The following CACNA1H variants were observed in gnomAD, a reference collection of about 807,000 sequenced individuals.
CACNA1H encodes the protein calcium voltage-gated channel subunit alpha1 H, also known as voltage-dependent T-type calcium channel subunit alpha-1H.
Under a neutral mutation model 192.5 loss-of-function variants are expected in CACNA1H, and 149 were observed. The observed-to-expected ratio is 0.77, with a 90% confidence interval of 0.68 to 0.89. The LOEUF (loss-of-function observed/expected upper bound fraction) is 0.89. CACNA1H is among the 40% of genes least tolerant of loss of function. CACNA1H has a pLI of 0.00. For synonymous variants in CACNA1H, 2,202 were observed against 1,475.2 expected, an observed-to-expected ratio of 1.49 and a Z score of -11.29; for missense variants, 4,257 against 3,423.5, an observed-to-expected ratio of 1.24 and a Z score of -6.08.
chr16:1,194,941 C>CGCCGG (rs770482623), intron 2 of CACNA1H, 31 bp from the exon 3 acceptor site: 1 of 1,541,354 alleles, frequency 6.5e-7, no homozygotes, highest in East Asian at 2.2e-5. Context: ...TCCCGGGCCG[C>CGCCGG]GCCGGTGTGC....
chr16:1,207,401 G>C lies in CACNA1H; in HGVS notation c.3034G>C (p.Ala1012Pro). 6.2e-7 allele frequency: 1 copy of C among 1,613,238 alleles called. No homozygotes were observed. Among genetic ancestry groups the C allele is most frequent in the Non-Finnish European group, 8.5e-7 (1 of 1,179,806 alleles). ...GNYVLFNLLV[A>P]ILVEGFQAEG... ...CTATGTGCTCTTCAACCTGCTGGTG[G>C]CCATCCTCGTGGAGGGCTTCCAGGC... Residue 1012 changes from alanine (A) to proline (P), a missense_variant, in exon 14 of 35, where the codon GCC becomes CCC. Physicochemically the swap from Ala to Pro is conservative, Grantham distance 27. Transcript: ENST00000348261.
rs1230128512 is a variant in CACNA1H at position 1,214,954 on chromosome 16, C to T, written c.4930-18C>T. The stretch of plus-strand genomic sequence containing the variant: ...TGGCCCCAGCCCCACCTCAGCCAGC[C>T]CGACCCTCCACCCCCAGTCGCTGGA... On this transcript the variant is annotated intron_variant, in intron 27 of 34. Coordinates refer to ENST00000348261, the MANE Select transcript of CACNA1H (RefSeq NM_021098.3). The T allele has an allele frequency of 6.3e-7, 1 of 1,576,762 alleles. No homozygotes were observed. Among genetic ancestry groups the T allele is most frequent in the African/African-American group, 1.3e-5 (1 of 74,274 alleles).
chr16:1,192,418 C>T (rs1966704321), intron 2 of CACNA1H, among the ~76,000 whole-genome samples: 1 of 152,268 alleles, frequency 6.6e-6, no homozygotes. Flanking sequence ...ACACCATCCA[C>T]TCCACTCTGC....
At chr16:1,171,327 A>C (rs1964348263) in intron 2 of CACNA1H, among the ~76,000 whole-genome samples, 1 of 152,038 alleles carries the variant, frequency 6.6e-6, no homozygotes, top group African/African-American at 2.4e-5. Flanking sequence ...TCAGCAGCCC[A>C]GGGGGGTAAG....
chr16:1,208,329 G>A, intron 16 of CACNA1H, 108 bp downstream of exon 16: 1 of 765,376 alleles, frequency 1.3e-6, no homozygotes, highest in Non-Finnish European at 2.2e-6. Flanking sequence ...CCACACCCTT[G>A]AAGTCCCAGC....
rs944838752 is a variant in CACNA1H, at chr16:1,221,345, C to G, written c.*351C>G. 4.9e-5 allele frequency: 17 copies of G among 344,072 alleles called. No individual in the cohort carries two copies. The highest frequency in any genetic ancestry group is 3.1e-4 in the Admixed American group (7 of 22,346). The allele number at this position is 344,072 out of a possible 1,614,324, so 21.3% of individuals were successfully genotyped here. A position where few individuals can be genotyped will look rare whatever the true frequency, so the allele number is the denominator to read the frequency against. ...TACCAGGTTGCGTCCTTTCAGGCCC[C>G]GCGTTGTTACAGGACACTCGCTGGG... On this transcript the variant is annotated 3_prime_UTR_variant, in exon 35 of 35. Transcript: ENST00000348261.
chr16:1,196,922 C>T (rs776097796), intron 5 of CACNA1H, among the ~76,000 whole-genome samples: 2 of 152,176 alleles, frequency 1.3e-5, no homozygotes, highest in African/African-American at 2.4e-5. Context: ...GTGCATACTG[C>T]GTGTAGATGT....
intron 2 of CACNA1H, chr16:1,157,132 A>G (rs1006319909): frequency 6.6e-6 from 1 of 152,130 alleles, no homozygotes; most frequent in Non-Finnish European, 1.5e-5. Context: ...CGGCACACGG[A>G]CGGGGCGGGG....
intron 17 of CACNA1H, 106 bp downstream of exon 17, chr16:1,209,518 G>A (rs987195105): frequency 4.3e-6 from 6 of 1,406,518 alleles, no homozygotes; most frequent in Non-Finnish European, 4.8e-6. Context: ...GTTGACTGAG[G>A]GGATTCAGAA....
Position 1,167,771 on chromosome 16 carries a change from C to T in CACNA1H, c.299+13735C>T, listed in dbSNP as rs866636840. ...CCTCCTTCAGGGACACACCCAGACA[C>T]GGGAAACGGGACACCTGGAGCTGTG... On this transcript the variant is annotated intron_variant, in intron 2 of 34. Transcript: ENST00000348261. The surrounding 1 kb of genome is among the most constrained non-coding windows in gnomAD (Gnocchi z 4.2). 2.6e-5 allele frequency among the ~76,000 whole-genome samples: 4 copies of T among 152,286 alleles called. No homozygotes were observed. Among genetic ancestry groups the T allele is most frequent in the South Asian group, 2.1e-4 (1 of 4,820 alleles).
At position 1,200,782 on chromosome 16, in the gene CACNA1H, T is replaced by C; in HGVS notation, c.1186T>C (p.Phe396Leu). ...YVMDAHSFYN[F>L]IYFILLIIVG... ...CATGGACGCCCACTCATTCTACAAC[T>C]TCATCTATTTCATCCTGCTCATCAT... Residue 396 changes from phenylalanine (F) to leucine (L), a missense_variant, in exon 8 of 35, where the codon TTC becomes CTC. Coordinates refer to ENST00000348261, the MANE Select transcript of CACNA1H (RefSeq NM_021098.3). 6.4e-7 allele frequency: 1 copy of C among 1,552,714 alleles called. No homozygotes were observed. The highest frequency in any genetic ancestry group is 8.7e-7 in the Non-Finnish European group (1 of 1,147,808).
At chr16:1,212,463 C>A in intron 25 of CACNA1H, 48 bp from the exon 26 acceptor site, 1 of 1,582,158 alleles carries the variant, frequency 6.3e-7, no homozygotes, top group Non-Finnish European at 8.6e-7. Flanking sequence ...GCTCCAGGCC[C>A]GAGTGCGCCA....
At chr16:1,207,530 G>T in intron 14 of CACNA1H, 100 bp downstream of exon 14, 1 of 1,317,434 alleles carries the variant, frequency 7.6e-7, no homozygotes, top group Non-Finnish European at 1.1e-6. Flanking sequence ...CAAGAGGTGA[G>T]GGATAGAGAA....
intron 9 of CACNA1H, 94 bp downstream of exon 9, chr16:1,202,546 ACT>A (rs1371522113): frequency 2.2e-5 from 24 of 1,113,472 alleles, no homozygotes; most frequent in Admixed American, 5.9e-5. Flanking sequence ...CATTGTGGGC[ACT>A]CTGATGAGCC....
chr16:1,183,737 C>A (rs1235401392), intron 2 of CACNA1H, among the ~76,000 whole-genome samples: 2 of 152,214 alleles, frequency 1.3e-5, no homozygotes, highest in Non-Finnish European at 2.9e-5. Context: ...GGGGGCGGCC[C>A]TGGGGGGAGC....
chr16:1,208,237 T>G lies in CACNA1H; in HGVS notation c.3363+16T>G. The G allele has an allele frequency of 2.0e-6, 3 of 1,534,832 alleles. No homozygotes were observed. The highest frequency in any genetic ancestry group is 2.6e-6 in the Non-Finnish European group (3 of 1,138,450). On this transcript the variant is annotated intron_variant, in intron 16 of 34. Transcript: ENST00000348261. ...GAAGCCTCCGGTAGGGACCATCTCC[T>G]GCCCCAGCTCTCAGGCCCCTTCAGG...
chr16:1,192,084 A>G (rs945175391), intron 2 of CACNA1H, among the ~76,000 whole-genome samples: 5 of 152,206 alleles, frequency 3.3e-5, no homozygotes, highest in African/African-American at 1.2e-4. Context: ...AGGGGGATGC[A>G]CCTGGATGGG....
chr16:1,153,958 C>A lies in CACNA1H; in HGVS notation c.221C>A (p.Ala74Asp). The change falls in exon 2 of 35, where the codon GCC becomes GAC. Residue 74 changes from alanine (A) to aspartate (D), a missense_variant. Physicochemically the swap from Ala to Asp is moderately radical, Grantham distance 126. Coordinates refer to ENST00000348261, the MANE Select transcript of CACNA1H (RefSeq NM_021098.3). ...ADEEQRVPYP[A>D]LAATVFFCLG... ...GAGGAGCAGCGCGTCCCGTACCCGG[C>A]CTTGGCGGCCACGGTCTTCTTCTGC... 6.9e-7 allele frequency: 1 copy of A among 1,451,638 alleles called. No individual in the cohort carries two copies. Among genetic ancestry groups the A allele is most frequent in the Non-Finnish European group, 9.1e-7 (1 of 1,102,398 alleles). 89.9% of individuals were successfully genotyped at this position (1,451,638 alleles called of 1,614,324 possible).
At chr16:1,197,664 TG>T (rs1036105121) in intron 5 of CACNA1H, among the ~76,000 whole-genome samples, 2 of 152,248 alleles carry the variant, frequency 1.3e-5, no homozygotes, top group African/African-American at 4.8e-5. Context: ...ACTGATTGTC[TG>T]CTCCGGTCGG....
Sources: gnomAD v4.1 joint callset for allele counts (sites outside exome capture counted in the v4.1 genomes callset) on GRCh38, gnomAD v4.1.1 for gene constraint, Gnocchi (gnomAD v3.1) non-coding constraint, MANE v1.5 for transcripts, NCBI Gene and HGNC (gene_info 2026-07-23, HGNC 2026-07-21) for gene names.